Variants in TPD52 observed in about 807,000 individuals in gnomAD.
TPD52 encodes tumor protein D52.
TPD52 carries 17 observed loss-of-function variants against 31.3 expected under a neutral mutation model. The observed-to-expected ratio is 0.54, with a 90% CI of 0.37 to 0.82. TPD52 has a LOEUF of 0.82. Ranked by LOEUF, TPD52 falls within the 40% of genes least tolerant of loss-of-function variation. The probability of loss-of-function intolerance (pLI) is 0.00; values close to 1 mark genes in which losing one functional copy is unlikely to be tolerated. For missense variants in TPD52, 212 were observed against 240.1 expected (o/e 0.88, Z 0.77); for synonymous variants, 83 against 89.6 (o/e 0.93, Z 0.42).
chr8:80,171,041 C>T, intron 1 of TPD52: 1 of 499,866 alleles, frequency 2.0e-6, no homozygotes, highest in Non-Finnish European at 3.7e-6. Context: ...GAGAGCGACT[C>T]ACTGTCCTCT....
chr8:80,147,004 CTGTGGG>C (rs1810242729), intron 1 of TPD52, among the ~76,000 whole-genome samples: 2 of 152,188 alleles, frequency 1.3e-5, no homozygotes, highest in Non-Finnish European at 2.9e-5. Context: ...AACCAGAACT[CTGTGGG>C]TGGGGTCAGC....
At chr8:80,158,754 C>T (rs1253038156) in intron 1 of TPD52, 1 of 151,406 alleles carries the variant, frequency 6.6e-6, no homozygotes, top group Non-Finnish European at 1.5e-5. Flanking sequence ...ACCATCCCGG[C>T]TAAAACGATG....
At chr8:80,086,378 A>C (rs920477839) in intron 1 of TPD52, among the ~76,000 whole-genome samples, 2 of 151,632 alleles carry the variant, frequency 1.3e-5, no homozygotes, top group Admixed American at 6.6e-5. Flanking sequence ...CGGTCCCCCA[A>C]GGTGCTGGGA....
At chr8:80,081,576 T>TA (rs11363368) in intron 1 of TPD52, among the ~76,000 whole-genome samples, 9 of 150,956 alleles carry the variant, frequency 6.0e-5, no homozygotes, top group Non-Finnish European at 1.0e-4. Context: ...TTTTCAAATC[T>TA]AAAAAAAAAG....
chr8:80,054,387 G>A (rs974635730), intron 2 of TPD52, among the ~76,000 whole-genome samples: 3 of 152,124 alleles, frequency 2.0e-5, no homozygotes, highest in African/African-American at 7.2e-5. Context: ...AGGGAAAATG[G>A]TAGACTCTCT....
rs1284923324 is a variant in TPD52 at position 80,053,368 on chromosome 8, C to T, written c.198G>A (p.Glu66=). The change falls in exon 3 of 8, where the codon GAG becomes GAA. Residue 66 remains glutamate, a synonymous_variant. Coordinates refer to ENST00000518937, the MANE Select transcript of TPD52 (RefSeq NM_001025253.3). ...VLAAKEKHLA[E]IKRKLGINSL... Reference sequence around the variant, plus strand: ...AATTGATTCCAAGTTTCCGCTTGATCTCTGCTAGATGCTTCTCTTTTGCTG... The same window carrying T: ...AATTGATTCCAAGTTTCCGCTTGATTTCTGCTAGATGCTTCTCTTTTGCTG... 6 of 1,613,770 alleles carry T rather than the reference C, an allele frequency of 3.7e-6. No individual in the cohort carries two copies. The highest frequency in any genetic ancestry group is 1.7e-4 in the Middle Eastern group (1 of 6,060).
chr8:80,123,757 C>G (rs887011265), intron 1 of TPD52, among the ~76,000 whole-genome samples: 2 of 152,082 alleles, frequency 1.3e-5, no homozygotes, highest in African/African-American at 4.8e-5. Flanking sequence ...CACAGAGAGG[C>G]AGGGAAACTG....
At chr8:80,043,419 T>A (rs749236231) in intron 6 of TPD52, among the ~76,000 whole-genome samples, 2 of 152,020 alleles carry the variant, frequency 1.3e-5, no homozygotes, top group African/African-American at 2.4e-5. Context: ...ACTACCAAGA[T>A]GAAAAATGCA....
intron 1 of TPD52, among the ~76,000 whole-genome samples, chr8:80,080,991 C>A (rs913115133): frequency 2.0e-5 from 3 of 152,050 alleles, no homozygotes; most frequent in African/African-American, 4.8e-5. Flanking sequence ...TTTTTTCCAC[C>A]CTGGATTACA....
intron 1 of TPD52, among the ~76,000 whole-genome samples, chr8:80,165,971 G>A (rs941233281): frequency 6.6e-6 from 1 of 152,130 alleles, no homozygotes; most frequent in African/African-American, 2.4e-5. Context: ...GTCTATAACA[G>A]TATATAAAAT....
rs16907461 is a variant in TPD52 at position 80,138,732 on chromosome 8, C to T, written c.19+32693G>A. Among the ~76,000 whole-genome samples, 1,192 of 152,214 alleles carry T rather than the reference C, an allele frequency of 7.8e-3. 11 individuals carry two copies. The highest frequency in any genetic ancestry group is 0.013 in the Non-Finnish European group (891 of 68,024). On this transcript the variant is annotated intron_variant, in intron 1 of 7. Coordinates refer to ENST00000518937, the MANE Select transcript of TPD52 (RefSeq NM_001025253.3). ...TTTGGCTTTGGTTCCTAATTGAGCT[C>T]TTCACCTCGCTATTTAAGGACACTG...
At chr8:80,108,295 G>A (rs1361872737) in intron 1 of TPD52, among the ~76,000 whole-genome samples, 2 of 152,160 alleles carry the variant, frequency 1.3e-5, no homozygotes, top group Admixed American at 6.5e-5. Context: ...TGTTTAAGAA[G>A]GAGTGACTTA....
At chr8:80,054,250 G>A (rs1378059854) in intron 2 of TPD52, among the ~76,000 whole-genome samples, 1 of 152,200 alleles carries the variant, frequency 6.6e-6, no homozygotes, top group Non-Finnish European at 1.5e-5. Flanking sequence ...GGTATAGGTA[G>A]GCTACAGTGA....
intron 1 of TPD52, among the ~76,000 whole-genome samples, chr8:80,121,102 G>GA (rs1327442001): frequency 6.7e-6 from 1 of 149,134 alleles, no homozygotes; most frequent in Admixed American, 6.7e-5. Flanking sequence ...AAAGGAAAAA[G>GA]AAAAAATCAG....
chr8:80,171,387 C>G (rs968874620), intron 1 of TPD52, 38 bp downstream of exon 1: 12 of 1,588,654 alleles, frequency 7.6e-6, no homozygotes, highest in Non-Finnish European at 1.0e-5. Flanking sequence ...AGCCCGAGTC[C>G]AAGCCCGAGC....
intron 1 of TPD52, among the ~76,000 whole-genome samples, chr8:80,148,085 G>T (rs1810324746): frequency 6.6e-6 from 1 of 152,074 alleles, no homozygotes; most frequent in African/African-American, 2.4e-5. Context: ...TACTATTGCT[G>T]TAAGTCAGGT....
chr8:80,074,313 C>A lies in TPD52; in HGVS notation c.20-9720G>T, dbSNP rs7826904. 5.1e-3 allele frequency among the ~76,000 whole-genome samples: 784 copies of A among 152,308 alleles called. 4 individuals are homozygous for A. The highest frequency in any genetic ancestry group is 0.017 in the African/African-American group (724 of 41,568). On this transcript the variant is annotated intron_variant, in intron 1 of 7. Transcript: ENST00000518937. ...TTCAAAGTATCTTTAGTGGTAACAT[C>A]CAGAAAGATCACAGGATGTTTTTTC...
At chr8:80,159,450 T>C (rs941106668) in intron 1 of TPD52, among the ~76,000 whole-genome samples, 3 of 152,180 alleles carry the variant, frequency 2.0e-5, no homozygotes, top group Admixed American at 6.5e-5. Context: ...AAAAGGAAGA[T>C]TGTCTGCAAC....
intron 1 of TPD52, among the ~76,000 whole-genome samples, chr8:80,110,329 C>A (rs949366779): frequency 6.6e-6 from 1 of 151,936 alleles, no homozygotes; most frequent in Non-Finnish European, 1.5e-5. Context: ...CAACAGCATA[C>A]CAGATTGTCT....
Sources: gnomAD v4.1 joint callset for allele counts (sites outside exome capture counted in the v4.1 genomes callset) on GRCh38, gnomAD v4.1.1 for gene constraint, MANE v1.5 for transcripts, NCBI Gene and HGNC (gene_info 2026-07-23, HGNC 2026-07-21) for gene names.